HS3ST4: variants seen among roughly 807,000 people sequenced by gnomAD.
HS3ST4 encodes heparan sulfate glucosamine 3-O-sulfotransferase 4.
In HS3ST4, 17 loss-of-function variants were observed where a neutral mutation model predicts 29.2. The observed-to-expected ratio is 0.58, with a 90% confidence interval of 0.40 to 0.87. The LOEUF (loss-of-function observed/expected upper bound fraction) is 0.87, where lower values mean the gene tolerates loss of function less well. Ranked by LOEUF, HS3ST4 falls within the 40% of genes least tolerant of loss-of-function variation. The pLI is 0.00. For missense variants in HS3ST4, 627 were observed against 634.5 expected (o/e 0.99, Z 0.13); for synonymous variants, 314 against 285.7 (o/e 1.10, Z -1.00).
chr16:25,804,881 A>G (rs1212384127), intron 1 of HS3ST4, among the ~76,000 whole-genome samples: 1 of 152,088 alleles, frequency 6.6e-6, no homozygotes, highest in Non-Finnish European at 1.5e-5. Context: ...TAATATTAAC[A>G]CTTAATAATT....
chr16:26,124,315 C>T lies in HS3ST4; in HGVS notation c.735-11297C>T, dbSNP rs145352978. ...TATAGTTGCTAAATTCATGAACAAA[C>T]GAAGAGTTTTTTTCTGTAGTTTTCT... On this transcript the variant is annotated intron_variant, in intron 1 of 1. Coordinates refer to ENST00000331351, the MANE Select transcript of HS3ST4 (RefSeq NM_006040.3). Among the ~76,000 whole-genome samples the T allele has an allele frequency of 3.1e-4, 45 of 144,036 alleles. 1 individual carries two copies. In the East Asian group the frequency reaches 8.4e-3, roughly 27 times the overall value. The allele number at this position is 144,036 out of a possible 152,430, so 94.5% of individuals were successfully genotyped here.
chr16:26,052,943 A>G (rs1197664368), intron 1 of HS3ST4, among the ~76,000 whole-genome samples: 2 of 152,200 alleles, frequency 1.3e-5, no homozygotes, highest in African/African-American at 4.8e-5. Flanking sequence ...TGTCTTTAAC[A>G]CTGTTCATCT....
At chr16:25,901,039 G>C (rs1378389368) in intron 1 of HS3ST4, among the ~76,000 whole-genome samples, 2 of 152,166 alleles carry the variant, frequency 1.3e-5, no homozygotes, top group Non-Finnish European at 2.9e-5. Context: ...GGAGAGAAGA[G>C]TTGAGTAATG....
In HS3ST4 at chr16:26,055,989, C is replaced by T. The variant is rs963395877; in HGVS notation, c.735-79623C>T. On this transcript the variant is annotated intron_variant, in intron 1 of 1. Coordinates refer to ENST00000331351, the MANE Select transcript of HS3ST4 (RefSeq NM_006040.3). ...GTATAAACACAACACCATACCTGAC[C>T]GGCTGGATTTACATCATAATGTATC... Among the ~76,000 whole-genome samples, 7 of 151,106 alleles carry T rather than the reference C, an allele frequency of 4.6e-5. No homozygotes were observed. In the South Asian group the frequency reaches 6.3e-4, roughly 14 times the overall value.
chr16:25,868,428 C>G (rs1967717350), intron 1 of HS3ST4, among the ~76,000 whole-genome samples: 1 of 152,168 alleles, frequency 6.6e-6, no homozygotes, highest in Non-Finnish European at 1.5e-5. Flanking sequence ...GTCCTGACAA[C>G]AGATGTCCCT....
chr16:25,907,476 CTCTA>C (rs904128026), intron 1 of HS3ST4, among the ~76,000 whole-genome samples: 30 of 152,082 alleles, frequency 2.0e-4, no homozygotes, highest in Non-Finnish European at 3.5e-4. Flanking sequence ...ATAATTTTGT[CTCTA>C]TCTATTTCTA....
At chr16:25,945,616 G>A (rs527679455) in intron 1 of HS3ST4, among the ~76,000 whole-genome samples, 8 of 152,208 alleles carry the variant, frequency 5.3e-5, no homozygotes, top group Admixed American at 3.3e-4. Flanking sequence ...CAATGTCCTC[G>A]CCAACTTTTG....
At chr16:25,752,868 G>A (rs140825650) in intron 1 of HS3ST4, among the ~76,000 whole-genome samples, 90 of 152,308 alleles carry the variant, frequency 5.9e-4, no homozygotes, top group African/African-American at 2.1e-3. Context: ...TACAGATAGA[G>A]TTTTTCTCAT....
chr16:25,883,611 G>A (rs1273093115), intron 1 of HS3ST4, among the ~76,000 whole-genome samples: 3 of 152,186 alleles, frequency 2.0e-5, no homozygotes, highest in Non-Finnish European at 4.4e-5. Context: ...GTGTCTTCTG[G>A]AATTTGTCCA....
intron 1 of HS3ST4, among the ~76,000 whole-genome samples, chr16:26,005,405 C>A (rs953236937): frequency 3.3e-5 from 5 of 152,062 alleles, no homozygotes; most frequent in African/African-American, 1.2e-4. Context: ...AGATAAGCAG[C>A]CTTAGAGTGT....
chr16:26,112,622 GCA>G (rs1899147484), intron 1 of HS3ST4, among the ~76,000 whole-genome samples: 1 of 151,914 alleles, frequency 6.6e-6, no homozygotes, highest in East Asian at 1.9e-4. Context: ...GAAGATATTT[GCA>G]GTCTATATGA....
intron 1 of HS3ST4, among the ~76,000 whole-genome samples, chr16:25,755,754 G>T (rs1387905318): frequency 1.3e-5 from 2 of 152,128 alleles, no homozygotes; most frequent in African/African-American, 2.4e-5. Flanking sequence ...GTTACAATGG[G>T]CTGGCCATCA....
chr16:25,780,439 AG>A (rs1966851639), intron 1 of HS3ST4, among the ~76,000 whole-genome samples: 1 of 152,308 alleles, frequency 6.6e-6, no homozygotes, highest in African/African-American at 2.4e-5. Context: ...GGGTGATCAT[AG>A]GGGTCTCTTG....
At chr16:25,866,512 G>T (rs1228131478) in intron 1 of HS3ST4, among the ~76,000 whole-genome samples, 2 of 152,136 alleles carry the variant, frequency 1.3e-5, no homozygotes, top group African/African-American at 4.8e-5. Flanking sequence ...GCAGGGACAT[G>T]GATGAAGCTG....
chr16:26,035,452 A>G (rs1478867932), intron 1 of HS3ST4, among the ~76,000 whole-genome samples: 1 of 152,228 alleles, frequency 6.6e-6, no homozygotes, highest in African/African-American at 2.4e-5. Context: ...TGTGCTCTTC[A>G]CAAATCCCTT....
chr16:26,034,229 G>A (rs1443411297), intron 1 of HS3ST4, among the ~76,000 whole-genome samples: 2 of 152,186 alleles, frequency 1.3e-5, no homozygotes, highest in Non-Finnish European at 2.9e-5. Flanking sequence ...CAATATCAGG[G>A]CAAGAGTATG....
chr16:26,077,695 A>G (rs1274023690), intron 1 of HS3ST4, among the ~76,000 whole-genome samples: 1 of 152,248 alleles, frequency 6.6e-6, no homozygotes, highest in Non-Finnish European at 1.5e-5. Context: ...GGTAGCATGC[A>G]TGAATGCAGT....
chr16:25,756,197 T>G (rs1273487862), intron 1 of HS3ST4, among the ~76,000 whole-genome samples: 1 of 151,622 alleles, frequency 6.6e-6, no homozygotes, highest in Non-Finnish European at 1.5e-5. Context: ...TTCCTTTCTG[T>G]TACATGGTTG....
intron 1 of HS3ST4, among the ~76,000 whole-genome samples, chr16:25,864,983 CAT>C (rs1231875293): frequency 7.4e-6 from 1 of 135,352 alleles, no homozygotes; most frequent in Admixed American, 7.7e-5. Flanking sequence ...CTCACACACA[CAT>C]ACACACTCAC....
Sources: allele counts gnomAD v4.1 joint callset (sites outside exome capture counted in the v4.1 genomes callset), GRCh38; gene constraint gnomAD v4.1.1; transcripts MANE v1.5; gene names NCBI Gene and HGNC (gene_info 2026-07-23, HGNC 2026-07-21).